Variants in DENND6A observed in about 807,000 individuals in gnomAD.
DENND6A encodes protein DENND6A.
In DENND6A, 43 loss-of-function variants were observed where a neutral mutation model predicts 95.5. The observed-to-expected ratio is 0.45, with a 90% CI of 0.35 to 0.58. The LOEUF (loss-of-function observed/expected upper bound fraction) is 0.58, where lower values mean the gene tolerates loss of function less well. Among genes scored for constraint, DENND6A ranks in the 20% least tolerant of loss-of-function variants. The pLI is 0.00. For synonymous variants in DENND6A, 257 were observed against 260.4 expected (o/e 0.99, Z 0.13); for missense variants, 574 against 736.0 (o/e 0.78, Z 2.55).
chr3:57,641,615 C>T, intron 12 of DENND6A, 38 bp downstream of exon 12: 1 of 1,561,694 alleles, frequency 6.4e-7, no homozygotes, highest in Non-Finnish European at 8.7e-7. Context: ...TTCAGCAACA[C>T]TGCACACTAG....
At chr3:57,680,692 C>T (rs180809063) in intron 1 of DENND6A, among the ~76,000 whole-genome samples, 1 of 152,154 alleles carries the variant, frequency 6.6e-6, no homozygotes, top group Admixed American at 6.5e-5. Flanking sequence ...ATAAAGAACT[C>T]TTAAAATATA....
chr3:57,669,011 T>G (rs1007838144), intron 3 of DENND6A, among the ~76,000 whole-genome samples: 3 of 152,126 alleles, frequency 2.0e-5, no homozygotes, highest in Non-Finnish European at 4.4e-5. Context: ...TAGCTGGGAC[T>G]ACGGGCACAC....
intron 1 of DENND6A, among the ~76,000 whole-genome samples, chr3:57,675,790 T>A (rs1008529062): frequency 6.6e-6 from 1 of 152,214 alleles, no homozygotes; most frequent in Non-Finnish European, 1.5e-5. Flanking sequence ...ATAACATTTA[T>A]CAAAGTGACA....
chr3:57,639,577 T>C (rs1021263242), intron 12 of DENND6A, among the ~76,000 whole-genome samples: 5 of 152,198 alleles, frequency 3.3e-5, no homozygotes, highest in African/African-American at 1.2e-4. Flanking sequence ...TATCCAAGAC[T>C]CTAGCAACTG....
At position 57,682,281 on chromosome 3, in the gene DENND6A, C is replaced by CAAA. The variant is rs10618015; in HGVS notation, c.238-9846_238-9844dup. 5.8e-4 allele frequency among the ~76,000 whole-genome samples: 31 copies of CAAA among 53,564 alleles called. 2 individuals are homozygous for CAAA. The highest frequency in any genetic ancestry group is 2.0e-3 in the African/African-American group (24 of 12,194). The allele number at this position is 53,564 out of a possible 152,430, so 35.1% of individuals were successfully genotyped here. A position where few individuals can be genotyped will look rare whatever the true frequency, so the allele number is the denominator to read the frequency against. ...GGGCAACAAGAGTGAGACTCCGTCT[C>CAAA]AAAAAAAAAAAAAAAAAAAAAAAAA... On this transcript the variant is annotated intron_variant, in intron 1 of 19. Transcript: ENST00000311128.
Position 57,661,434 on chromosome 3 carries a change from T to C in DENND6A, c.619+12A>G. ...TTTAAAACTCCTGCATAAAGGTATA[T>C]GTTAAACTTACCTGCTTCCAAATAA... is the stretch of plus-strand genomic sequence containing the variant. On this transcript the variant is annotated intron_variant, in intron 6 of 19. Coordinates refer to ENST00000311128, the MANE Select transcript of DENND6A (RefSeq NM_152678.3). The C allele has an allele frequency of 2.6e-6, 4 of 1,551,276 alleles. No homozygotes were observed. The highest frequency in any genetic ancestry group is 3.5e-6 in the Non-Finnish European group (4 of 1,158,486).
intron 7 of DENND6A, among the ~76,000 whole-genome samples, chr3:57,659,567 T>C (rs2071386649): frequency 6.6e-6 from 1 of 152,162 alleles, no homozygotes; most frequent in Admixed American, 6.5e-5. Context: ...GAACACTCAA[T>C]CCAGAACTAT....
intron 15 of DENND6A, 166 bp from the exon 16 acceptor site, chr3:57,631,144 G>C: frequency 1.7e-6 from 1 of 595,016 alleles, no homozygotes; most frequent in Non-Finnish European, 3.0e-6. Context: ...GACTGACTTG[G>C]GAAGTCAGAT....
chr3:57,663,598 T>C, intron 5 of DENND6A, 38 bp downstream of exon 5: 1 of 1,427,496 alleles, frequency 7.0e-7, no homozygotes, highest in Non-Finnish European at 9.5e-7. Context: ...AATCACAAAA[T>C]AAAAAATACT....
At chr3:57,682,752 T>G (rs751642417) in intron 1 of DENND6A, among the ~76,000 whole-genome samples, 2 of 152,184 alleles carry the variant, frequency 1.3e-5, no homozygotes, top group Non-Finnish European at 2.9e-5. Flanking sequence ...CTCAGCTCAC[T>G]GCAACCTCCA....
Position 57,659,130 on chromosome 3 carries a change from C to G in DENND6A, c.750G>C (p.Gln250His), listed in dbSNP as rs1169238954. 1.9e-6 allele frequency: 3 copies of G among 1,614,070 alleles called. No homozygotes were observed. The highest frequency in any genetic ancestry group is 1.7e-6 in the Non-Finnish European group (2 of 1,180,008). The change falls in exon 8 of 20, where the codon CAG becomes CAC. Residue 250 changes from glutamine (Q) to histidine (H), a missense_variant. Physicochemically the swap from Gln to His is conservative, Grantham distance 24 (BLOSUM62 0). Coordinates refer to ENST00000311128, the MANE Select transcript of DENND6A (RefSeq NM_152678.3). ...HDKPGTTQIV[Q>H]LTQQVDTNIS... ...AGTACCACACTACCTGCTGAGTTAA[C>G]TGCACTATTTGAGTTGTCCCAGGCT...
intron 12 of DENND6A, among the ~76,000 whole-genome samples, chr3:57,636,936 CAAAAA>C (rs60350642): frequency 4.0e-4 from 21 of 52,008 alleles, no homozygotes; most frequent in East Asian, 6.4e-4. Context: ...GACTCTGTCT[CAAAAA>C]AAAAAAAAAA....
chr3:57,678,771 C>T (rs916058973), intron 1 of DENND6A, among the ~76,000 whole-genome samples: 2 of 152,238 alleles, frequency 1.3e-5, no homozygotes, highest in African/African-American at 4.8e-5. Context: ...TCATTTTAAA[C>T]TTTCCCCAGC....
rs966525539 is a variant in DENND6A at position 57,628,299 on chromosome 3, T to A, written c.1742A>T (p.Glu581Val). The change falls in exon 20 of 20, where the codon GAA (glutamate) becomes GTA (valine). Residue 581 changes from glutamate (E) to valine (V), a missense_variant. By Grantham distance (121) the Glu-to-Val change is moderately radical. Transcript: ENST00000311128. The stretch of plus-strand genomic sequence containing the variant: ...GGCATCTATGTGTGTCCGTAACTTT[T>A]CCATAGTGTCAGGTTTCACAGGTAA... ...EHLPVKPDTM[E>V]KLRTHIDAII... 1 of 1,614,060 alleles carries A rather than the reference T, an allele frequency of 6.2e-7. No homozygotes were observed. Among genetic ancestry groups the A allele is most frequent in the Non-Finnish European group, 8.5e-7 (1 of 1,180,044 alleles).
intron 1 of DENND6A, among the ~76,000 whole-genome samples, chr3:57,688,033 T>C (rs1020326351): frequency 6.6e-6 from 1 of 151,830 alleles, no homozygotes; most frequent in South Asian, 2.1e-4. Context: ...TCTTACTCTG[T>C]TGCCCAGGCA....
At chr3:57,650,417 T>TAC (rs1317323281) in intron 9 of DENND6A, among the ~76,000 whole-genome samples, 2 of 80,088 alleles carry the variant, frequency 2.5e-5, no homozygotes, top group Non-Finnish European at 5.7e-5. Flanking sequence ...TACATGCATT[T>TAC]ACATACACAC....
intron 12 of DENND6A, among the ~76,000 whole-genome samples, chr3:57,636,174 A>G (rs1487600339): frequency 6.6e-6 from 1 of 152,210 alleles, no homozygotes; most frequent in East Asian, 1.9e-4. Flanking sequence ...TCTACTACAC[A>G]GGAAGTTGGC....
intron 9 of DENND6A, among the ~76,000 whole-genome samples, chr3:57,647,386 G>GT (rs937104042): frequency 3.9e-5 from 6 of 152,128 alleles, no homozygotes; most frequent in Admixed American, 1.3e-4. Flanking sequence ...AACATGGTAG[G>GT]TATCTCTGCC....
intron 3 of DENND6A, among the ~76,000 whole-genome samples, chr3:57,667,388 C>T (rs766246796): frequency 6.6e-6 from 1 of 151,818 alleles, no homozygotes; most frequent in Admixed American, 6.6e-5. Context: ...AACTCCTGGG[C>T]TCAAGTGATC....
Sources: gnomAD v4.1 joint callset for allele counts (sites outside exome capture counted in the v4.1 genomes callset) on GRCh38, gnomAD v4.1.1 for gene constraint, MANE v1.5 for transcripts, NCBI Gene and HGNC (gene_info 2026-07-23, HGNC 2026-07-21) for gene names.